NAALADL2: variants seen among roughly 807,000 people sequenced by gnomAD.
NAALADL2 encodes inactive N-acetylated-alpha-linked acidic dipeptidase-like protein 2.
In NAALADL2, 76 loss-of-function variants were observed where a neutral mutation model predicts 87.2. The observed-to-expected ratio is 0.87, with a 90% CI of 0.72 to 1.05. The LOEUF (loss-of-function observed/expected upper bound fraction) is 1.05. NAALADL2 is among the 50% of genes least tolerant of loss of function. The pLI is 0.00. For missense variants in NAALADL2, 1,089 were observed against 945.8 expected (o/e 1.15, Z -1.99); for synonymous variants, 354 against 331.0 (o/e 1.07, Z -0.75).
At chr3:175,667,295 A>C (rs1733326483) in intron 11 of NAALADL2, among the ~76,000 whole-genome samples, 1 of 152,072 alleles carries the variant, frequency 6.6e-6, no homozygotes, top group African/African-American at 2.4e-5. Context: ...TGAAGGGGTT[A>C]AATTGACTAA....
chr3:174,819,942 A>G (rs55899857), intron 3 of NAALADL2, among the ~76,000 whole-genome samples: 17,957 of 152,168 alleles, frequency 0.12, 1,250 homozygotes, highest in African/African-American at 0.18. Context: ...TCCCTTCCTA[A>G]TCCAATTTCT....
intron 11 of NAALADL2, among the ~76,000 whole-genome samples, chr3:175,725,848 C>T (rs1457036724): frequency 6.6e-6 from 1 of 151,984 alleles, no homozygotes; most frequent in Admixed American, 6.6e-5. Context: ...TAGAATAATG[C>T]CTGGCATATG....
At chr3:175,109,940 G>T (rs1723889559) in intron 2 of NAALADL2, among the ~76,000 whole-genome samples, 1 of 151,802 alleles carries the variant, frequency 6.6e-6, no homozygotes, top group Non-Finnish European at 1.5e-5. Context: ...AACATTCCAT[G>T]TGGAATTTTA....
At chr3:174,981,650 TC>T (rs1398738146) in intron 1 of NAALADL2, among the ~76,000 whole-genome samples, 1 of 152,078 alleles carries the variant, frequency 6.6e-6, no homozygotes, top group Non-Finnish European at 1.5e-5. Context: ...AAGCTGAGAG[TC>T]TGCGTCGCTT....
At chr3:175,284,754 G>A (rs1754776314) in intron 4 of NAALADL2, among the ~76,000 whole-genome samples, 1 of 152,150 alleles carries the variant, frequency 6.6e-6, no homozygotes, top group East Asian at 1.9e-4. Flanking sequence ...TTTTTGTAAT[G>A]TATGACTGGG....
chr3:174,627,554 A>AAAC (rs1721697931), intron 2 of NAALADL2, among the ~76,000 whole-genome samples: 1 of 152,254 alleles, frequency 6.6e-6, no homozygotes, highest in Non-Finnish European at 1.5e-5. Context: ...AAATAGAACT[A>AAAC]AACTTTGATC....
chr3:175,374,296 G>A (rs1766845918), intron 5 of NAALADL2, among the ~76,000 whole-genome samples: 1 of 151,348 alleles, frequency 6.6e-6, no homozygotes, highest in Admixed American at 6.6e-5. Flanking sequence ...GCTCATTCTT[G>A]CAATCTCAGC....
intron 13 of NAALADL2, among the ~76,000 whole-genome samples, chr3:175,775,375 A>G: frequency 6.6e-6 from 1 of 152,086 alleles, no homozygotes; most frequent in East Asian, 1.9e-4. Flanking sequence ...TTTCAGATGA[A>G]ATTACTTGTA....
chr3:175,608,993 G>A (rs1724186322), intron 10 of NAALADL2, among the ~76,000 whole-genome samples: 1 of 46,260 alleles, frequency 2.2e-5, no homozygotes, highest in Non-Finnish European at 5.5e-5. Context: ...AAGGCCCAGT[G>A]TGATTTTTTT....
intron 5 of NAALADL2, among the ~76,000 whole-genome samples, chr3:175,331,791 A>C (rs1295652921): frequency 6.6e-6 from 1 of 152,158 alleles, no homozygotes; most frequent in Non-Finnish European, 1.5e-5. Context: ...AGACATCCAC[A>C]TTGGAAAAGA....
intron 1 of NAALADL2, among the ~76,000 whole-genome samples, chr3:174,902,956 A>AT (rs1401262955): frequency 2.0e-5 from 3 of 152,138 alleles, no homozygotes; most frequent in Non-Finnish European, 2.9e-5. Flanking sequence ...AGGAATAAAT[A>AT]AATAGTCTTA....
At chr3:174,960,063 G>C (rs989189567) in intron 1 of NAALADL2, among the ~76,000 whole-genome samples, 1 of 152,026 alleles carries the variant, frequency 6.6e-6, no homozygotes, top group African/African-American at 2.4e-5. Flanking sequence ...TGCAGACCCC[G>C]TAGTTAATGC....
chr3:175,182,550 G>GTTTTTTT lies in NAALADL2; in HGVS notation c.546-51359_546-51353dup, dbSNP rs1161831796. On this transcript the variant is annotated intron_variant, in intron 2 of 13. Coordinates refer to ENST00000454872, the MANE Select transcript of NAALADL2 (RefSeq NM_207015.3). The stretch of plus-strand genomic sequence containing the variant: ...CTATAAGTCCATGACACCACAGCCA[G>GTTTTTTT]TTTTTTTTTTTTTTTTTTTTTTTTT... 3.4e-3 allele frequency among the ~76,000 whole-genome samples: 237 copies of GTTTTTTT among 69,464 alleles called. 33 individuals are homozygous for GTTTTTTT. The highest frequency in any genetic ancestry group is 8.9e-3 in the African/African-American group (149 of 16,720). 45.6% of individuals were successfully genotyped at this position (69,464 alleles called of 152,430 possible).
intron 2 of NAALADL2, among the ~76,000 whole-genome samples, chr3:174,658,515 A>C (rs1345335878): frequency 6.6e-6 from 1 of 152,072 alleles, no homozygotes; most frequent in East Asian, 1.9e-4. Flanking sequence ...TTGTGTAAGT[A>C]TTTTTCCAGA....
At position 175,234,133 on chromosome 3, in the gene NAALADL2, G is replaced by A. The variant is rs777675722; in HGVS notation, c.748G>A (p.Glu250Lys). The A allele has an allele frequency of 1.4e-5, 23 of 1,613,884 alleles. 1 individual carries two copies. The highest frequency in any genetic ancestry group is 1.8e-5 in the Non-Finnish European group (21 of 1,179,836). Residue 250 changes from glutamate (E) to lysine (K), a missense_variant, in exon 3 of 14, where the codon GAA (glutamate) becomes AAA (lysine). Physicochemically the swap from Glu to Lys is moderately conservative, Grantham distance 56 (BLOSUM62 1). Transcript: ENST00000454872. ...FHPNGQPCSE[E>K]ARKDSSQDLL... ...TCCTAATGGCCAGCCTTGCAGTGAA[G>A]AAGCCAGAAAAGATAGCAGCCAAGA...
At chr3:175,034,610 G>A (rs1266681427) in intron 1 of NAALADL2, among the ~76,000 whole-genome samples, 2 of 151,932 alleles carry the variant, frequency 1.3e-5, no homozygotes, top group Non-Finnish European at 2.9e-5. Flanking sequence ...TTTCTTCATG[G>A]CATGTTATTT....
chr3:175,544,759 C>T lies in NAALADL2; in HGVS notation c.1654-31282C>T, dbSNP rs117789232. Among the ~76,000 whole-genome samples, 237 of 152,064 alleles carry T rather than the reference C, an allele frequency of 1.6e-3. 4 individuals are homozygous for T. In the East Asian group the frequency reaches 0.044, roughly 28 times the overall value. ...ATACCGTCTAAGCCCTTTTATATTC[C>T]CTTCATTATGTCCAAGTCGATGCCA... is the stretch of plus-strand genomic sequence containing the variant. On this transcript the variant is annotated intron_variant, in intron 9 of 13. Transcript: ENST00000454872.
chr3:175,227,074 T>G (rs919007184), intron 2 of NAALADL2, among the ~76,000 whole-genome samples: 4 of 152,044 alleles, frequency 2.6e-5, no homozygotes, highest in Admixed American at 1.3e-4. Context: ...TAAATACACA[T>G]AAGAAAATGT....
chr3:175,798,230 C>T (rs564819956), intron 13 of NAALADL2, among the ~76,000 whole-genome samples: 8 of 152,032 alleles, frequency 5.3e-5, no homozygotes, highest in African/African-American at 1.4e-4. Flanking sequence ...GGTGAAAAAA[C>T]GTATTTCTAC....
Sources: allele counts gnomAD v4.1 joint callset (sites outside exome capture counted in the v4.1 genomes callset), GRCh38; gene constraint gnomAD v4.1.1; transcripts MANE v1.5; gene names NCBI Gene and HGNC (gene_info 2026-07-23, HGNC 2026-07-21).